The following GALC variants were observed in gnomAD, a reference collection of about 807,000 sequenced individuals.
GALC encodes galactocerebrosidase.
GALC carries 77 observed loss-of-function variants against 91.8 expected under a neutral mutation model. That is an observed-to-expected ratio of 0.84 (90% CI 0.70 to 1.01). GALC has a LOEUF of 1.01. GALC is among the 50% of genes least tolerant of loss of function. GALC has a pLI of 0.00. For missense variants in GALC, 882 were observed against 855.9 expected, an observed-to-expected ratio of 1.03 and a Z score of -0.38; for synonymous variants, 357 against 306.7, an observed-to-expected ratio of 1.16 and a Z score of -1.71.
chr14:87,988,614 A>G, intron 1 of GALC, 91 bp from the exon 2 acceptor site: 1 of 938,424 alleles, frequency 1.1e-6, no homozygotes. Flanking sequence ...TGGTATACAC[A>G]TATTTAGCCT....
At chr14:87,984,318 T>C in intron 5 of GALC, 76 bp downstream of exon 5, 1 of 1,449,190 alleles carries the variant, frequency 6.9e-7, no homozygotes, top group Non-Finnish European at 9.5e-7. Flanking sequence ...AGTCAAAAAG[T>C]ACCACAGAAT....
chr14:87,974,528 TAAGGAA>T (rs1886416726), intron 7 of GALC, among the ~76,000 whole-genome samples: 2 of 151,896 alleles, frequency 1.3e-5, no homozygotes, highest in African/African-American at 2.4e-5. Flanking sequence ...CCCACTAACA[TAAGGAA>T]ACAAACACAC....
At chr14:87,955,062 G>A (rs376428515) in intron 10 of GALC, 26 of 1,339,948 alleles carry the variant, frequency 1.9e-5, no homozygotes, top group African/African-American at 7.2e-5. Flanking sequence ...ACTCCTTGTC[G>A]GCAGTCAGCG....
intron 13 of GALC, among the ~76,000 whole-genome samples, chr14:87,946,931 C>G (rs887135922): frequency 6.6e-6 from 1 of 151,882 alleles, no homozygotes; most frequent in African/African-American, 2.4e-5. Context: ...GTAGCAGTGA[C>G]TGGGAAAGGG....
chr14:87,950,054 A>G, intron 11 of GALC, 123 bp from the exon 12 acceptor site: 1 of 573,932 alleles, frequency 1.7e-6, no homozygotes. Flanking sequence ...CAAGAGAAAC[A>G]CCTCAAATAT....
intron 7 of GALC, among the ~76,000 whole-genome samples, chr14:87,969,057 A>C (rs1042204436): frequency 1.3e-5 from 2 of 152,206 alleles, no homozygotes; most frequent in African/African-American, 2.4e-5. Context: ...CAAAACCCAC[A>C]CATGGTTATT....
At chr14:87,946,568 T>C (rs898493682) in intron 13 of GALC, among the ~76,000 whole-genome samples, 8 of 151,394 alleles carry the variant, frequency 5.3e-5, no homozygotes, top group Admixed American at 4.6e-4. Flanking sequence ...ATTTGAAGGT[T>C]TGAAATTGCC....
In GALC at chr14:87,992,374, C is replaced by T. The variant is rs1887237647; in HGVS notation, c.195+596G>A. 3.3e-6 allele frequency: 5 copies of T among 1,535,728 alleles called. No individual in the cohort carries two copies. The Middle Eastern group carries it at 6.7e-4, about 205-fold the overall frequency. ...CGGTAGTTTCAGGCCGCTCGCTTAT[C>T]TTCCTTTTAAAGAGACCTTGAGGCA... On this transcript the variant is annotated intron_variant, in intron 1 of 16. Transcript: ENST00000261304.
rs1886146819 is a variant in GALC, at chr14:87,968,450, A to C, written c.793T>G (p.Leu265Val). Residue 265 changes from leucine to valine, a missense_variant, in exon 8 of 17, where the codon TTG becomes GTG. By Grantham distance (32) the Leu-to-Val change is conservative (BLOSUM62 1). Coordinates refer to ENST00000261304, the MANE Select transcript of GALC (RefSeq NM_000153.4). The part of the protein sequence containing the change: ...PGTHSAKDAK[L>V]TGKKLWSSED... ...GAAGACCAAAGCTTCTTCCCAGTCA[A>C]CTTTGCATCTTTTGCTGAATGGGTT... is the stretch of plus-strand genomic sequence containing the variant. 2 of 1,613,986 alleles carry C rather than the reference A, an allele frequency of 1.2e-6. No homozygotes were observed. Among genetic ancestry groups the C allele is most frequent in the Non-Finnish European group, 1.7e-6 (2 of 1,179,886 alleles).
chr14:87,976,795 T>A (rs1886512550), intron 6 of GALC: 1 of 349,972 alleles, frequency 2.9e-6, no homozygotes, highest in Non-Finnish European at 5.6e-6. Context: ...TTGTATTTTT[T>A]AGCAGAGACA....
intron 14 of GALC, among the ~76,000 whole-genome samples, chr14:87,942,002 C>T (rs427018): frequency 0.96 from 145,449 of 151,954 alleles, 69,906 homozygotes; most frequent in Non-Finnish European, 1. Context: ...TGAGAGAACA[C>T]AAGCTATTCC....
intron 10 of GALC, among the ~76,000 whole-genome samples, chr14:87,956,560 C>CAT (rs557652790): frequency 6.0e-4 from 79 of 131,350 alleles, no homozygotes; most frequent in African/African-American, 1.6e-3. Flanking sequence ...ATACACGCAC[C>CAT]ATATATATAT....
At chr14:87,971,615 C>T (rs1237882013) in intron 7 of GALC, among the ~76,000 whole-genome samples, 1 of 151,986 alleles carries the variant, frequency 6.6e-6, no homozygotes, top group Admixed American at 6.6e-5. Context: ...ATATTTAACC[C>T]AATATATCCA....
chr14:87,970,308 A>G (rs928258443), intron 7 of GALC, among the ~76,000 whole-genome samples: 1 of 152,198 alleles, frequency 6.6e-6, no homozygotes, highest in Non-Finnish European at 1.5e-5. Flanking sequence ...CATGTTACCA[A>G]TAATCAGTAG....
In GALC at chr14:87,982,152, A is replaced by C. The variant is rs1346166003; in HGVS notation, c.621+53T>G. 6.2e-6 allele frequency: 6 copies of C among 964,232 alleles called. No individual in the cohort carries two copies. In the Admixed American group the frequency reaches 1.1e-4, roughly 18 times the overall value. 59.7% of individuals were successfully genotyped at this position (964,232 alleles called of 1,614,324 possible). A position where few individuals can be genotyped will look rare whatever the true frequency, so the allele number is the denominator to read the frequency against. ...ACTATTTTCTGTGTTAGGAACCATAAGGAATTATTCACTAAAAAGTTAAAA... is the reference window on the plus strand; with the variant it reads ...ACTATTTTCTGTGTTAGGAACCATACGGAATTATTCACTAAAAAGTTAAAA... On this transcript the variant is annotated intron_variant, in intron 6 of 16. Coordinates refer to ENST00000261304, the MANE Select transcript of GALC (RefSeq NM_000153.4).
Position 87,941,536 on chromosome 14 carries a change from C to T in GALC, c.1693G>A (p.Asp565Asn), listed in dbSNP as rs1393990784. ...YNWTNLTIKC[D>N]VYIETPDTGG... ...GTGTCAGGGGTCTCTATGTATACAT[C>T]ACACTTTATAGTCAGATTGGTCCTG... The change falls in exon 15 of 17, where the codon GAT (aspartate) becomes AAT (asparagine). Residue 565 changes from aspartate (D) to asparagine (N), a missense_variant. Physicochemically the swap from Asp to Asn is conservative, Grantham distance 23. Transcript: ENST00000261304. The T allele has an allele frequency of 6.3e-7, 1 of 1,583,640 alleles. No homozygotes were observed. The highest frequency in any genetic ancestry group is 1.3e-5 in the African/African-American group (1 of 74,270).
chr14:87,978,992 C>A (rs1277549040), intron 6 of GALC, among the ~76,000 whole-genome samples: 1 of 152,086 alleles, frequency 6.6e-6, no homozygotes, highest in Non-Finnish European at 1.5e-5. Context: ...CCAATCTGAG[C>A]ACCTACATTC....
intron 14 of GALC, among the ~76,000 whole-genome samples, chr14:87,942,844 A>C (rs1884915508): frequency 6.6e-6 from 1 of 152,104 alleles, no homozygotes; most frequent in African/African-American, 2.4e-5. Context: ...TAAGTAACTC[A>C]AGCCCAGTCT....
intron 7 of GALC, among the ~76,000 whole-genome samples, chr14:87,975,315 T>C (rs79170106): frequency 0.11 from 17,165 of 152,112 alleles, 1,133 homozygotes; most frequent in Non-Finnish European, 0.16. Context: ...AAGATTAGAA[T>C]AGATTTAAAT....
Sources: gnomAD v4.1 joint callset for allele counts (sites outside exome capture counted in the v4.1 genomes callset) on GRCh38, gnomAD v4.1.1 for gene constraint, MANE v1.5 for transcripts, NCBI Gene and HGNC (gene_info 2026-07-23, HGNC 2026-07-21) for gene names.